The following KTN1 variants were observed in gnomAD, a reference collection of about 807,000 sequenced individuals.
KTN1 encodes kinectin 1, also known as kinectin.
Under a neutral mutation model 222.5 loss-of-function variants are expected in KTN1, and 130 were observed. The ratio of observed to expected loss-of-function variants is 0.58; its 90% CI spans 0.51 to 0.68. The LOEUF (loss-of-function observed/expected upper bound fraction) is 0.68, where lower values mean the gene tolerates loss of function less well. KTN1 is among the 30% of genes least tolerant of loss of function. The probability of loss-of-function intolerance (pLI) is 0.00; values close to 1 mark genes in which losing one functional copy is unlikely to be tolerated. For synonymous variants in KTN1, 512 were observed against 496.3 expected (o/e 1.03, Z -0.42); for missense variants, 1,508 against 1,500.4 (o/e 1.01, Z -0.08).
chr14:55,671,739 G>T, intron 36 of KTN1, 46 bp from the exon 37 acceptor site: 4 of 1,536,016 alleles, frequency 2.6e-6, no homozygotes, highest in Non-Finnish European at 3.6e-6. Flanking sequence ...TTTTATCTTG[G>T]CATTAGAACA....
At chr14:55,592,477 G>A (rs943880539) in intron 1 of KTN1, among the ~76,000 whole-genome samples, 2 of 152,156 alleles carry the variant, frequency 1.3e-5, no homozygotes, top group Non-Finnish European at 2.9e-5. Context: ...TGAACTGCAC[G>A]GGTCCACTTA....
At chr14:55,587,307 C>T (rs2033214203) in intron 1 of KTN1, among the ~76,000 whole-genome samples, 1 of 152,070 alleles carries the variant, frequency 6.6e-6, no homozygotes, top group African/African-American at 2.4e-5. Flanking sequence ...TAGGTTTACT[C>T]TTGGGAGAGT....
chr14:55,670,700 T>C, intron 34 of KTN1, 29 bp from the exon 35 acceptor site: 1 of 1,486,282 alleles, frequency 6.7e-7, no homozygotes, highest in Non-Finnish European at 9.2e-7. Flanking sequence ...TCTTTGGAAA[T>C]TAATGATTTT....
chr14:55,656,182 A>G (rs952140298), intron 29 of KTN1, 50 bp downstream of exon 29: 52 of 1,280,526 alleles, frequency 4.1e-5, no homozygotes, highest in Non-Finnish European at 5.4e-5. Flanking sequence ...TTGTCTTTGC[A>G]TGCTTTAAAA....
At position 55,638,699 on chromosome 14, in the gene KTN1, A is replaced by T. The variant is rs139715380; in HGVS notation, c.1786-486A>T. On this transcript the variant is annotated intron_variant, in intron 12 of 43. Coordinates refer to ENST00000395314, the MANE Select transcript of KTN1 (RefSeq NM_001079521.2). ...AATTACCAACTCAGATTGAATTGTG[A>T]TCTTTAGTTATCAGCTGAGAAGTAG... Among the ~76,000 whole-genome samples, 375 of 151,944 alleles carry T rather than the reference A, an allele frequency of 2.5e-3. 2 individuals carry two copies. Among genetic ancestry groups the T allele is most frequent in the African/African-American group, 8.7e-3 (363 of 41,514 alleles).
chr14:55,588,100 A>G lies in KTN1; in HGVS notation c.-31+7746A>G, dbSNP rs200474756. ...CTTTTGACTCTCCAGAAACTTAACT[A>G]CTAGTACCCTACTTTTGACTGGAAA... On this transcript the variant is annotated intron_variant, in intron 1 of 43. Coordinates refer to ENST00000395314, the MANE Select transcript of KTN1 (RefSeq NM_001079521.2). 4.6e-5 allele frequency among the ~76,000 whole-genome samples: 7 copies of G among 152,250 alleles called. No individual in the cohort carries two copies. In the East Asian group the frequency reaches 1.4e-3, roughly 29 times the overall value.
At chr14:55,622,560 T>A (rs983533714) in intron 5 of KTN1, among the ~76,000 whole-genome samples, 9 of 152,212 alleles carry the variant, frequency 5.9e-5, no homozygotes, top group Admixed American at 6.5e-5. Flanking sequence ...TATTCAATAT[T>A]AGATGGTGCA....
chr14:55,583,581 C>T (rs1379970267), intron 1 of KTN1, among the ~76,000 whole-genome samples: 1 of 152,144 alleles, frequency 6.6e-6, no homozygotes, highest in East Asian at 1.9e-4. Context: ...GGGCTTTCTC[C>T]TTCCTAATTG....
chr14:55,615,133 G>T (rs1186678649), intron 2 of KTN1, among the ~76,000 whole-genome samples: 2 of 152,174 alleles, frequency 1.3e-5, no homozygotes, highest in Admixed American at 1.3e-4. Context: ...AGTGTAAGAA[G>T]AGAATTATCA....
chr14:55,661,783 G>A (rs1458795365), intron 32 of KTN1, 171 bp downstream of exon 32: 5 of 396,920 alleles, frequency 1.3e-5, no homozygotes, highest in Admixed American at 4.5e-5. Context: ...TTGGAGAACA[G>A]TTTTTTTTAA....
chr14:55,589,656 C>CTTTTTTT (rs765755065), intron 1 of KTN1, among the ~76,000 whole-genome samples: 74 of 102,086 alleles, frequency 7.2e-4, no homozygotes, highest in Non-Finnish European at 1.0e-3. Context: ...CATCTGATTT[C>CTTTTTTT]TTTTTTTTTT....
At chr14:55,667,095 G>C (rs1012010551) in intron 33 of KTN1, 146 bp from the exon 34 acceptor site, 1 of 553,620 alleles carries the variant, frequency 1.8e-6, no homozygotes, top group Non-Finnish European at 3.1e-6. Flanking sequence ...TCTTAAAGTG[G>C]GAAATTTTAA....
At chr14:55,610,315 G>A (rs1007492788) in intron 1 of KTN1, among the ~76,000 whole-genome samples, 2 of 151,820 alleles carry the variant, frequency 1.3e-5, no homozygotes, top group Non-Finnish European at 2.9e-5. Context: ...ATATACTTGG[G>A]TTTCACGTCC....
chr14:55,591,344 G>A (rs1017028410), intron 1 of KTN1, among the ~76,000 whole-genome samples: 1 of 151,904 alleles, frequency 6.6e-6, no homozygotes, highest in East Asian at 1.9e-4. Flanking sequence ...TAGTTTTGGG[G>A]CTTATGACTA....
rs1463265787 is a variant in KTN1, at chr14:55,627,928, T to C, written c.980T>C (p.Leu327Ser). ...DALKKSSKGELTTLIHQLQEK... is the reference protein window; with the variant it reads ...DALKKSSKGESTTLIHQLQEK... ...CAATTGCAGTCAAGTAAGGGAGAATTGACTACGCTTATACATCAGCTTCAA... is the reference window on the plus strand; with the variant it reads ...CAATTGCAGTCAAGTAAGGGAGAATCGACTACGCTTATACATCAGCTTCAA... The change falls in exon 6 of 44, where the codon TTG (leucine) becomes TCG (serine). Residue 327 changes from leucine to serine, a missense_variant. Leu to Ser is a moderately radical substitution (Grantham distance 145). Transcript: ENST00000395314. The C allele has an allele frequency of 1.2e-6, 2 of 1,608,964 alleles. No individual in the cohort carries two copies. Among genetic ancestry groups the C allele is most frequent in the Non-Finnish European group, 1.7e-6 (2 of 1,175,652 alleles).
intron 1 of KTN1, among the ~76,000 whole-genome samples, chr14:55,592,236 T>A (rs1008691109): frequency 6.6e-6 from 1 of 152,362 alleles, no homozygotes; most frequent in East Asian, 1.9e-4. Flanking sequence ...TTATGTTGTC[T>A]CACAGTTCTT....
chr14:55,676,294 T>C (rs2045885263), intron 41 of KTN1, among the ~76,000 whole-genome samples: 1 of 152,180 alleles, frequency 6.6e-6, no homozygotes, highest in Non-Finnish European at 1.5e-5. Context: ...TATAAATTTC[T>C]ATTTTTTTTA....
chr14:55,648,972 C>A, intron 21 of KTN1, 102 bp downstream of exon 21: 1 of 777,802 alleles, frequency 1.3e-6, no homozygotes, highest in Non-Finnish European at 2.1e-6. Context: ...TTTGCCCAGG[C>A]TGGAGTGCAG....
In KTN1 at chr14:55,673,265, T is replaced by G; in HGVS notation, c.3771+10T>G. On this transcript the variant is annotated intron_variant, in intron 40 of 43. Transcript: ENST00000395314. Reference sequence around the variant, plus strand: ...TGAAGAGCTAAATTTGGTAAGAAGCTTGTCCTCCACTGGGTATCAAGTAGG... The same window carrying G: ...TGAAGAGCTAAATTTGGTAAGAAGCGTGTCCTCCACTGGGTATCAAGTAGG... 1 of 1,581,006 alleles carries G rather than the reference T, an allele frequency of 6.3e-7. No homozygotes were observed. The highest frequency in any genetic ancestry group is 8.7e-7 in the Non-Finnish European group (1 of 1,150,534).
Sources: allele counts gnomAD v4.1 joint callset (sites outside exome capture counted in the v4.1 genomes callset), GRCh38; gene constraint gnomAD v4.1.1; transcripts MANE v1.5; gene names NCBI Gene and HGNC (gene_info 2026-07-23, HGNC 2026-07-21).